The following UNC5C variants were observed in gnomAD, a reference collection of about 807,000 sequenced individuals.
UNC5C encodes the protein unc-5 netrin receptor C, also known as netrin receptor UNC5C.
In UNC5C, 47 loss-of-function variants were observed where a neutral mutation model predicts 99.8. The ratio of observed to expected loss-of-function variants is 0.47; its 90% CI spans 0.37 to 0.60. The LOEUF is 0.60. Ranked by LOEUF, UNC5C falls within the 20% of genes least tolerant of loss-of-function variation. The pLI, the probability that UNC5C is intolerant of heterozygous loss-of-function variation, is 0.00. For synonymous variants in UNC5C, 487 were observed against 452.2 expected (o/e 1.08, Z -0.98); for missense variants, 1,062 against 1,165.9 (o/e 0.91, Z 1.30).
chr4:95,438,808 TATTG>T (rs758500725), intron 1 of UNC5C, among the ~76,000 whole-genome samples: 4 of 152,180 alleles, frequency 2.6e-5, no homozygotes, highest in Non-Finnish European at 4.4e-5. Context: ...CAGCTGATTT[TATTG>T]ATTGATTTAT....
intron 2 of UNC5C, among the ~76,000 whole-genome samples, chr4:95,310,683 G>T (rs1452542796): frequency 6.6e-6 from 1 of 150,600 alleles, no homozygotes; most frequent in Non-Finnish European, 1.5e-5. Flanking sequence ...TCCTTTTTAT[G>T]GCCATAGTTT....
intron 2 of UNC5C, among the ~76,000 whole-genome samples, chr4:95,328,588 G>C (rs550344744): frequency 7.0e-6 from 1 of 143,002 alleles, no homozygotes; most frequent in African/African-American, 2.5e-5. Context: ...CCCAGTAATG[G>C]GATGGCTGGG....
rs919610430 is a variant in UNC5C, at chr4:95,486,151, A to G, written c.124+62583T>C. ...GTTCAAGGTTAAAAGTCAAATATAC[A>G]TAAAATAAAACATATATTTTTAGAA... On this transcript the variant is annotated intron_variant, in intron 1 of 15. Coordinates refer to ENST00000453304, the MANE Select transcript of UNC5C (RefSeq NM_003728.4). Among the ~76,000 whole-genome samples the G allele has an allele frequency of 3.3e-5, 5 of 151,910 alleles. No individual in the cohort carries two copies. The South Asian group carries it at 1.0e-3, about 31-fold the overall frequency.
At chr4:95,219,883 A>C in intron 8 of UNC5C, 102 bp downstream of exon 8, 1 of 1,286,090 alleles carries the variant, frequency 7.8e-7, no homozygotes. Context: ...TGCTGTCTTC[A>C]TGGAGCTTAC....
chr4:95,460,872 G>C (rs531725808), intron 1 of UNC5C, among the ~76,000 whole-genome samples: 1 of 152,268 alleles, frequency 6.6e-6, no homozygotes, highest in South Asian at 2.1e-4. Flanking sequence ...GGATTACACA[G>C]AGTTTGTATA....
rs1191300740 is a variant in UNC5C at position 95,169,415 on chromosome 4, A to G, written c.2631-16T>C. On this transcript the variant is annotated splice_polypyrimidine_tract_variant and intron_variant, in intron 15 of 15. Transcript: ENST00000453304. ...ATTCAAGTACCTGTAATTGGGAAAG[A>G]GAAAATGTGCTCAACAGTGTGACTT... 6.2e-7 allele frequency: 1 copy of G among 1,613,450 alleles called. No homozygotes were observed. The highest frequency in any genetic ancestry group is 1.7e-5 in the Admixed American group (1 of 60,018).
At chr4:95,206,895 T>A in intron 10 of UNC5C, 99 bp from the exon 11 acceptor site, 2 of 869,792 alleles carry the variant, frequency 2.3e-6, no homozygotes, top group Non-Finnish European at 3.2e-6. Flanking sequence ...AGTTTTCTCC[T>A]GGAATTCTTT....
chr4:95,190,255 C>T (rs1325299178), intron 12 of UNC5C, among the ~76,000 whole-genome samples: 5 of 151,740 alleles, frequency 3.3e-5, no homozygotes, highest in Non-Finnish European at 1.5e-5. Context: ...AAACCAAACA[C>T]CACATGTTCT....
intron 1 of UNC5C, among the ~76,000 whole-genome samples, chr4:95,541,376 C>A (rs1345253106): frequency 6.6e-6 from 1 of 152,088 alleles, no homozygotes; most frequent in Non-Finnish European, 1.5e-5. Flanking sequence ...GAAAAAAAAG[C>A]AGTGTAGATG....
chr4:95,327,337 AAG>A (rs1411557240), intron 2 of UNC5C, among the ~76,000 whole-genome samples: 1 of 152,214 alleles, frequency 6.6e-6, no homozygotes, highest in African/African-American at 2.4e-5. Flanking sequence ...ATAGCAGGCA[AAG>A]AGAGGCAATA....
intron 1 of UNC5C, among the ~76,000 whole-genome samples, chr4:95,507,383 C>A (rs1255108118): frequency 1.3e-5 from 2 of 152,020 alleles, no homozygotes; most frequent in Non-Finnish European, 2.9e-5. Context: ...ACAGTCCAAA[C>A]CAATGAGATG....
chr4:95,216,609 AAAC>A (rs1300109886), intron 9 of UNC5C, among the ~76,000 whole-genome samples: 2 of 152,188 alleles, frequency 1.3e-5, no homozygotes, highest in Non-Finnish European at 2.9e-5. Context: ...ATAAAAAAAA[AAAC>A]AACATGTATT....
At chr4:95,260,546 T>G (rs903596062) in intron 4 of UNC5C, among the ~76,000 whole-genome samples, 1 of 152,000 alleles carries the variant, frequency 6.6e-6, no homozygotes, top group African/African-American at 2.4e-5. Flanking sequence ...CTTTTCTCTC[T>G]CCCCACAGAA....
chr4:95,371,423 TGGG>T (rs750299959), intron 1 of UNC5C, among the ~76,000 whole-genome samples: 5 of 30,920 alleles, frequency 1.6e-4, no homozygotes, highest in African/African-American at 4.6e-4. Flanking sequence ...GTATATTTTG[TGGG>T]GGGGGGGGAG....
chr4:95,529,659 C>T (rs1436210205), intron 1 of UNC5C, among the ~76,000 whole-genome samples: 3 of 151,602 alleles, frequency 2.0e-5, no homozygotes, highest in African/African-American at 4.8e-5. Flanking sequence ...TCCAGGAGGT[C>T]GAAGCTGCAG....
At position 95,265,896 on chromosome 4, in the gene UNC5C, G is replaced by T. The variant is rs539376197; in HGVS notation, c.594+12363C>A. 8.9e-4 allele frequency among the ~76,000 whole-genome samples: 136 copies of T among 152,182 alleles called. 1 individual carries two copies. Among genetic ancestry groups the T allele is most frequent in the Non-Finnish European group, 6.3e-4 (43 of 68,010 alleles). ...CCTGGGGTTGTAGGGGGATTTAAAT[G>T]AGATACGAAAAGAAAGCACCTGGAA... is the stretch of plus-strand genomic sequence containing the variant. On this transcript the variant is annotated intron_variant, in intron 4 of 15. Transcript: ENST00000453304.
chr4:95,265,795 T>G (rs1029757118), intron 4 of UNC5C, among the ~76,000 whole-genome samples: 2 of 152,186 alleles, frequency 1.3e-5, no homozygotes, highest in South Asian at 2.1e-4. Context: ...TCCCACTAAT[T>G]GAGCTTGCAG....
intron 4 of UNC5C, among the ~76,000 whole-genome samples, chr4:95,252,401 C>T (rs1312075381): frequency 6.6e-6 from 1 of 152,180 alleles, no homozygotes; most frequent in Non-Finnish European, 1.5e-5. Flanking sequence ...GCTTCTCTTT[C>T]AAGTACTCAT....
intron 1 of UNC5C, among the ~76,000 whole-genome samples, chr4:95,435,506 A>G (rs976514892): frequency 6.6e-6 from 1 of 152,070 alleles, no homozygotes; most frequent in African/African-American, 2.4e-5. Context: ...CTAATTATGC[A>G]TTACTTTACT....
Sources: allele counts gnomAD v4.1 joint callset (sites outside exome capture counted in the v4.1 genomes callset), GRCh38; gene constraint gnomAD v4.1.1; transcripts MANE v1.5; gene names NCBI Gene and HGNC (gene_info 2026-07-23, HGNC 2026-07-21).